Variants in KYAT1 observed in about 807,000 individuals in gnomAD.
KYAT1 encodes the protein kynurenine--oxoglutarate transaminase 1.
In KYAT1, 47 loss-of-function variants were observed where a neutral mutation model predicts 52.4. The ratio of observed to expected loss-of-function variants is 0.90; its 90% confidence interval spans 0.71 to 1.14. The LOEUF is 1.14. Among genes scored for constraint, KYAT1 ranks in the 50% most tolerant of loss-of-function variants. KYAT1 has a pLI of 0.00. For missense variants in KYAT1, 480 were observed against 557.9 expected (o/e 0.86, Z 1.41); for synonymous variants, 212 against 209.6 (o/e 1.01, Z -0.10).
chr9:128,844,087 G>A (rs894103479), intron 2 of KYAT1, among the ~76,000 whole-genome samples: 4 of 152,120 alleles, frequency 2.6e-5, no homozygotes, highest in Non-Finnish European at 5.9e-5. Flanking sequence ...ATCATCTCTG[G>A]ACCCATAATC....
intron 1 of KYAT1, among the ~76,000 whole-genome samples, chr9:128,876,067 C>G (rs1225928164): frequency 6.6e-6 from 1 of 152,158 alleles, no homozygotes; most frequent in Non-Finnish European, 1.5e-5. Context: ...TTGGAGCCGG[C>G]TGGAATCCAG....
At chr9:128,864,103 C>T (rs1835844098) in intron 1 of KYAT1, among the ~76,000 whole-genome samples, 1 of 152,074 alleles carries the variant, frequency 6.6e-6, no homozygotes, top group African/African-American at 2.4e-5. Flanking sequence ...TGGCTCACAC[C>T]TGTAATCCCA....
At chr9:128,877,303 C>T (rs1162911146) in intron 1 of KYAT1, among the ~76,000 whole-genome samples, 11 of 152,164 alleles carry the variant, frequency 7.2e-5, no homozygotes, top group Admixed American at 2.6e-4. Flanking sequence ...CCCACCTGTA[C>T]CTCCTCTCTG....
At chr9:128,852,614 A>G (rs1408413273) in intron 1 of KYAT1, among the ~76,000 whole-genome samples, 3 of 152,260 alleles carry the variant, frequency 2.0e-5, no homozygotes, top group Non-Finnish European at 4.4e-5. Context: ...AGGACTGACA[A>G]TAGCATCTGA....
At chr9:128,867,211 GCT>G (rs1836518794) in intron 1 of KYAT1, among the ~76,000 whole-genome samples, 1 of 152,146 alleles carries the variant, frequency 6.6e-6, no homozygotes, top group South Asian at 2.1e-4. Context: ...ACAGGGTCTT[GCT>G]CTGTCACTCA....
At chr9:128,846,751 C>T (rs1833166967) in intron 1 of KYAT1, 1 of 1,535,458 alleles carries the variant, frequency 6.5e-7, no homozygotes, top group Non-Finnish European at 8.7e-7. Context: ...GCAGGGACCT[C>T]ACATGGGCTT....
At chr9:128,849,883 C>T (rs947326275) in intron 1 of KYAT1, among the ~76,000 whole-genome samples, 4 of 91,968 alleles carry the variant, frequency 4.3e-5, no homozygotes, top group Non-Finnish European at 5.6e-5. Context: ...TTATTTTCTT[C>T]TTTTTTTTTT....
chr9:128,853,057 T>G (rs530398214), intron 1 of KYAT1, among the ~76,000 whole-genome samples: 31 of 152,340 alleles, frequency 2.0e-4, no homozygotes, highest in African/African-American at 7.0e-4. Flanking sequence ...ACTTTTACAT[T>G]GTACTTAGAT....
intron 3 of KYAT1, among the ~76,000 whole-genome samples, chr9:128,841,851 G>A (rs1832247488): frequency 6.6e-6 from 1 of 151,992 alleles, no homozygotes; most frequent in African/African-American, 2.4e-5. Context: ...TGGGTGAGGT[G>A]GCATGCCCCT....
chr9:128,859,884 G>C (rs887227941), intron 1 of KYAT1: 5 of 152,044 alleles, frequency 3.3e-5, no homozygotes, highest in African/African-American at 1.2e-4. Flanking sequence ...TCCTGACCTC[G>C]TGACCCACCC....
Position 128,833,419 on chromosome 9 carries a change from TGAA to T in KYAT1, c.*162_*164del. On this transcript the variant is annotated 3_prime_UTR_variant, in exon 13 of 13. Transcript: ENST00000302586. Reference sequence around the variant, plus strand: ...ACAGGAGGCACTTGGTTCTCTAAGATGAAGAAGGGCGGCTCCCACCCAGAACAT... The same window carrying T: ...ACAGGAGGCACTTGGTTCTCTAAGATGAAGGGCGGCTCCCACCCAGAACAT... The T allele has an allele frequency of 1.4e-6, 1 of 723,012 alleles. No individual in the cohort carries two copies. Among genetic ancestry groups the T allele is most frequent in the South Asian group, 1.7e-5 (1 of 57,750 alleles). 44.8% of individuals were successfully genotyped at this position (723,012 alleles called of 1,614,324 possible). A position where few individuals can be genotyped will look rare whatever the true frequency, so the allele number is the denominator to read the frequency against.
chr9:128,860,342 C>T (rs975103540), intron 1 of KYAT1: 3 of 152,262 alleles, frequency 2.0e-5, no homozygotes, highest in Non-Finnish European at 4.4e-5. Flanking sequence ...GTCCAGCTGC[C>T]ACCTAACATT....
At position 128,838,479 on chromosome 9, in the gene KYAT1, G is replaced by C. The variant is rs1353651323; in HGVS notation, c.202-112C>G. On this transcript the variant is annotated intron_variant, in intron 3 of 12. Coordinates refer to ENST00000302586, the MANE Select transcript of KYAT1 (RefSeq NM_004059.5). ...AGCAGCAGGCCTGGGGGCAAAGTCAGGTACTGGTAGCCTGGGCCCCAGGGG... is the reference window on the plus strand; with the variant it reads ...AGCAGCAGGCCTGGGGGCAAAGTCACGTACTGGTAGCCTGGGCCCCAGGGG... 8.0e-6 allele frequency: 10 copies of C among 1,249,084 alleles called. No individual in the cohort carries two copies. In the East Asian group the frequency reaches 1.5e-4, roughly 18 times the overall value. The allele number at this position is 1,249,084 out of a possible 1,614,324, so 77.4% of individuals were successfully genotyped here. A position where few individuals can be genotyped will look rare whatever the true frequency, so the allele number is the denominator to read the frequency against.
chr9:128,870,993 A>G (rs1458558192), intron 1 of KYAT1, among the ~76,000 whole-genome samples: 1 of 152,048 alleles, frequency 6.6e-6, no homozygotes, highest in Non-Finnish European at 1.5e-5. Context: ...AAAGGGTTGA[A>G]GAACAATATA....
chr9:128,869,659 C>T (rs1052222992), intron 1 of KYAT1, among the ~76,000 whole-genome samples: 11 of 152,134 alleles, frequency 7.2e-5, no homozygotes, highest in African/African-American at 2.7e-4. Flanking sequence ...GGCTTTAACT[C>T]CTGGCCTCTA....
chr9:128,855,808 T>TTA (rs1372593466), intron 1 of KYAT1, among the ~76,000 whole-genome samples: 1 of 152,244 alleles, frequency 6.6e-6, no homozygotes, highest in Non-Finnish European at 1.5e-5. Context: ...TTTTTTACTT[T>TTA]AATTGCAGTG....
In KYAT1 at chr9:128,833,303, G is replaced by T; in HGVS notation, c.*281C>A. 1 of 568,764 alleles carries T rather than the reference G, an allele frequency of 1.8e-6. No individual in the cohort carries two copies. The allele number at this position is 568,764 out of a possible 1,614,324, so 35.2% of individuals were successfully genotyped here. A position where few individuals can be genotyped will look rare whatever the true frequency, so the allele number is the denominator to read the frequency against. Reference sequence around the variant, plus strand: ...GAAGTCTACCGTCCGTCTCAGCCAAGCCTGGAGAGACCAGAAGCAACACAA... The same window carrying T: ...GAAGTCTACCGTCCGTCTCAGCCAATCCTGGAGAGACCAGAAGCAACACAA... On this transcript the variant is annotated 3_prime_UTR_variant, in exon 13 of 13. Transcript: ENST00000302586.
Position 128,836,775 on chromosome 9 carries a change from G to T in KYAT1, c.688+27C>A, listed in dbSNP as rs146983847. ...AAGGCCCTCCCACCAATGTGCAGGG[G>T]AGGGGCCCCAGGCTGGCTTGGCTCA... On this transcript the variant is annotated intron_variant, in intron 7 of 12. Transcript: ENST00000302586. 3.3e-3 allele frequency: 5,388 copies of T among 1,608,690 alleles called. 13 individuals carry two copies. Among genetic ancestry groups the T allele is most frequent in the Non-Finnish European group, 4.2e-3 (4,891 of 1,177,574 alleles).
chr9:128,858,913 C>A (rs1472490054), intron 1 of KYAT1, among the ~76,000 whole-genome samples: 1 of 144,574 alleles, frequency 6.9e-6, no homozygotes, highest in East Asian at 2.0e-4. Flanking sequence ...GAGGCTGAGG[C>A]AAGGGAATTG....
Sources: allele counts gnomAD v4.1 joint callset (sites outside exome capture counted in the v4.1 genomes callset), GRCh38; gene constraint gnomAD v4.1.1; transcripts MANE v1.5; gene names NCBI Gene and HGNC (gene_info 2026-07-23, HGNC 2026-07-21).